The following EHMT1 variants were observed in gnomAD, a reference collection of about 807,000 sequenced individuals.
EHMT1 encodes euchromatic histone lysine methyltransferase 1.
In EHMT1, 15 loss-of-function variants were observed where a neutral mutation model predicts 147.2. The ratio of observed to expected loss-of-function variants is 0.10; its 90% CI spans 0.07 to 0.16. EHMT1 has a LOEUF of 0.16. EHMT1 is among the 10% of genes least tolerant of loss of function. EHMT1 has a pLI of 1.00. For missense variants in EHMT1, 1,587 were observed against 1,772.4 expected, an observed-to-expected ratio of 0.90 and a Z score of 1.88; for synonymous variants, 795 against 709.6, an observed-to-expected ratio of 1.12 and a Z score of -1.91.
intron 1 of EHMT1, among the ~76,000 whole-genome samples, chr9:137,684,499 G>A (rs888936556): frequency 6.6e-6 from 1 of 151,914 alleles, no homozygotes; most frequent in Non-Finnish European, 1.5e-5. Flanking sequence ...TGTTGTTTTT[G>A]ATTTTGTTTT....
Position 137,701,943 on chromosome 9 carries a change from G to A in EHMT1, c.22-9024G>A, listed in dbSNP as rs572430554. On this transcript the variant is annotated intron_variant, in intron 1 of 26. Coordinates refer to ENST00000460843, the MANE Select transcript of EHMT1 (RefSeq NM_024757.5). Reference sequence around the variant, plus strand: ...CAAGTAGCTGGGATTACAGGTGCCCGCCACCATGTCCATTTAATTTTTGTA... The same window carrying A: ...CAAGTAGCTGGGATTACAGGTGCCCACCACCATGTCCATTTAATTTTTGTA... Among the ~76,000 whole-genome samples, 19 of 152,074 alleles carry A rather than the reference G, an allele frequency of 1.2e-4. No homozygotes were observed. The South Asian group carries it at 2.3e-3, about 18-fold the overall frequency.
At chr9:137,773,186 A>G (rs1326460028) in intron 10 of EHMT1, among the ~76,000 whole-genome samples, 1 of 152,256 alleles carries the variant, frequency 6.6e-6, no homozygotes, top group Non-Finnish European at 1.5e-5. Context: ...TTCTATGTGT[A>G]TAACCACATT....
At chr9:137,717,379 G>A (rs1401054808) in intron 3 of EHMT1, 197 bp downstream of exon 3, 3 of 739,130 alleles carry the variant, frequency 4.1e-6, no homozygotes, top group Non-Finnish European at 6.8e-6. Context: ...GAGGCGGGTG[G>A]ATTGCTTGAG....
At chr9:137,652,109 A>G (rs890795075) in intron 1 of EHMT1, among the ~76,000 whole-genome samples, 1 of 152,236 alleles carries the variant, frequency 6.6e-6, no homozygotes, top group Admixed American at 6.5e-5. Context: ...GGAGGAGTCT[A>G]GAAGACACTG....
At chr9:137,724,346 G>A (rs545234405) in intron 3 of EHMT1, among the ~76,000 whole-genome samples, 29 of 151,428 alleles carry the variant, frequency 1.9e-4, no homozygotes, top group African/African-American at 6.5e-4. Flanking sequence ...GAAGAGCCTC[G>A]GGGAAGGGCT....
At chr9:137,686,458 C>T (rs934200492) in intron 1 of EHMT1, among the ~76,000 whole-genome samples, 2 of 151,990 alleles carry the variant, frequency 1.3e-5, no homozygotes, top group Non-Finnish European at 2.9e-5. Flanking sequence ...GGTGCAATCA[C>T]AGCTCACTCT....
At chr9:137,744,243 A>T (rs1385097145) in intron 6 of EHMT1, among the ~76,000 whole-genome samples, 153 bp downstream of exon 6, 1 of 152,048 alleles carries the variant, frequency 6.6e-6, no homozygotes, top group Non-Finnish European at 1.5e-5. Flanking sequence ...TTCTTGATTT[A>T]TTAGATTATT....
At chr9:137,768,822 T>C (rs1320741035) in intron 10 of EHMT1, among the ~76,000 whole-genome samples, 2 of 151,954 alleles carry the variant, frequency 1.3e-5, no homozygotes, top group Non-Finnish European at 2.9e-5. Context: ...AGTGCTGGGA[T>C]TACAGGCGTG....
At chr9:137,797,207 C>T (rs1324813128) in intron 16 of EHMT1, among the ~76,000 whole-genome samples, 1 of 152,090 alleles carries the variant, frequency 6.6e-6, no homozygotes, top group Non-Finnish European at 1.5e-5. Context: ...TGTTTGTGTG[C>T]CTGCAGACCT....
chr9:137,808,562 C>G (rs1954143201), intron 18 of EHMT1, among the ~76,000 whole-genome samples: 1 of 151,722 alleles, frequency 6.6e-6, no homozygotes, highest in Admixed American at 6.6e-5. Context: ...CAGTTGTAGG[C>G]CAGGCTTGTC....
intron 1 of EHMT1, among the ~76,000 whole-genome samples, chr9:137,701,312 C>G (rs1452769660): frequency 6.7e-6 from 1 of 150,220 alleles, no homozygotes; most frequent in African/African-American, 2.5e-5. Context: ...GAGACAGAGT[C>G]TCACTCTGTC....
chr9:137,820,056 G>A (rs886476603), intron 25 of EHMT1: 2 of 152,158 alleles, frequency 1.3e-5, no homozygotes, highest in African/African-American at 4.8e-5. Flanking sequence ...ACCAGACCAC[G>A]GAATAAATCT....
intron 1 of EHMT1, among the ~76,000 whole-genome samples, chr9:137,623,571 C>T (rs1369995588): frequency 1.3e-5 from 2 of 152,028 alleles, no homozygotes; most frequent in African/African-American, 4.8e-5. Context: ...CTTGCTACCA[C>T]GCCTGTGCCT....
chr9:137,719,432 G>A (rs911578190), intron 3 of EHMT1, among the ~76,000 whole-genome samples: 4 of 152,144 alleles, frequency 2.6e-5, no homozygotes, highest in African/African-American at 9.7e-5. Flanking sequence ...GCTGCTGGGT[G>A]TTGCGTCCTC....
chr9:137,823,747 G>A (rs1027955187), intron 25 of EHMT1, among the ~76,000 whole-genome samples: 1 of 152,092 alleles, frequency 6.6e-6, no homozygotes, highest in Admixed American at 6.5e-5. Context: ...TAGTAGAGAC[G>A]AGGTTTCGCC....
chr9:137,641,330 CT>C, intron 1 of EHMT1: 2 of 480,412 alleles, frequency 4.2e-6, no homozygotes, highest in Non-Finnish European at 8.3e-6. Context: ...AGATGAAATT[CT>C]TTGAGAGAGC....
intron 10 of EHMT1, among the ~76,000 whole-genome samples, chr9:137,766,146 G>T (rs571379626): frequency 7.9e-5 from 12 of 152,192 alleles, no homozygotes; most frequent in Non-Finnish European, 1.6e-4. Context: ...ACTCTTGAGT[G>T]TGGGGAGGGT....
At chr9:137,646,357 T>TTTG (rs1844881733) in intron 1 of EHMT1, 4 of 985,410 alleles carry the variant, frequency 4.1e-6, no homozygotes, top group African/African-American at 1.7e-5. Context: ...CTGAGGAACA[T>TTTG]TTCAAGTTTG....
intron 18 of EHMT1, among the ~76,000 whole-genome samples, chr9:137,805,037 TGTCA>T (rs907692595): frequency 2.0e-5 from 3 of 152,166 alleles, no homozygotes; most frequent in Admixed American, 1.3e-4. Context: ...TCTGCATGTC[TGTCA>T]GTCGTCCACA....
Sources: gnomAD v4.1 joint callset for allele counts (sites outside exome capture counted in the v4.1 genomes callset) on GRCh38, gnomAD v4.1.1 for gene constraint, MANE v1.5 for transcripts, NCBI Gene and HGNC (gene_info 2026-07-23, HGNC 2026-07-21) for gene names.